GRIP1: variants seen among roughly 807,000 people sequenced by gnomAD.
GRIP1 encodes the protein glutamate receptor interacting protein 1.
GRIP1 carries 45 observed loss-of-function variants against 129.9 expected under a neutral mutation model. The ratio of observed to expected loss-of-function variants is 0.35; its 90% CI spans 0.27 to 0.44. The LOEUF (loss-of-function observed/expected upper bound fraction) is 0.44, where lower values mean the gene tolerates loss of function less well. Ranked by LOEUF, GRIP1 falls within the 20% of genes least tolerant of loss-of-function variation. GRIP1 has a pLI of 1.00. For synonymous variants in GRIP1, 530 were observed against 520.8 expected, an observed-to-expected ratio of 1.02 and a Z score of -0.24; for missense variants, 1,196 against 1,396.8, an observed-to-expected ratio of 0.86 and a Z score of 2.29.
chr12:67,067,502 T>C (rs2043649478), intron 1 of GRIP1, among the ~76,000 whole-genome samples: 1 of 152,132 alleles, frequency 6.6e-6, no homozygotes, highest in Non-Finnish European at 1.5e-5. Context: ...AAAGATATGA[T>C]TTACTAAAGG....
chr12:66,913,036 G>C (rs1300130783), intron 1 of GRIP1, among the ~76,000 whole-genome samples: 1 of 152,122 alleles, frequency 6.6e-6, no homozygotes, highest in East Asian at 1.9e-4. Flanking sequence ...CTGAAAAACT[G>C]CCTACAATCT....
intron 1 of GRIP1, among the ~76,000 whole-genome samples, chr12:67,001,603 C>A (rs1024559638): frequency 1.3e-5 from 2 of 152,142 alleles, no homozygotes; most frequent in African/African-American, 2.4e-5. Context: ...TCTGTGTTTT[C>A]TCTTGAGTAG....
intron 1 of GRIP1, among the ~76,000 whole-genome samples, chr12:66,721,275 A>G (rs902391641): frequency 7.9e-5 from 12 of 151,902 alleles, no homozygotes; most frequent in Non-Finnish European, 1.3e-4. Context: ...GATTTAGCAT[A>G]ATTCTTTCTT....
intron 1 of GRIP1, among the ~76,000 whole-genome samples, chr12:66,626,232 T>C (rs10748056): frequency 0.68 from 103,032 of 151,432 alleles, 36,228 homozygotes; most frequent in African/African-American, 0.84. Context: ...CCCAGCTACT[T>C]GGGAGGCTGA....
chr12:66,512,694 T>C (rs369117380), intron 7 of GRIP1, among the ~76,000 whole-genome samples: 1 of 151,660 alleles, frequency 6.6e-6, no homozygotes, highest in Non-Finnish European at 1.5e-5. Context: ...AAAATGACCA[T>C]ATGAAAAAAT....
chr12:66,632,583 C>T lies in GRIP1; in HGVS notation c.56-35656G>A, dbSNP rs568089818. On this transcript the variant is annotated intron_variant, in intron 1 of 24. Coordinates refer to ENST00000359742, the MANE Select transcript of GRIP1 (RefSeq NM_001366722.1). ...CCATTCTAATGAACACTTTCCTTAT[C>T]GATTTGTATAGACACATTTGGTCAG... Among the ~76,000 whole-genome samples the T allele has an allele frequency of 2.2e-4, 33 of 152,240 alleles. 1 individual carries two copies. The South Asian group carries it at 3.9e-3, about 18-fold the overall frequency.
intron 1 of GRIP1, among the ~76,000 whole-genome samples, chr12:67,003,519 C>G (rs1411497346): frequency 6.6e-6 from 1 of 151,790 alleles, no homozygotes; most frequent in African/African-American, 2.4e-5. Context: ...TGGTGAAATC[C>G]CATCTCTACT....
At chr12:66,802,291 T>C (rs1490045429) in intron 1 of GRIP1, among the ~76,000 whole-genome samples, 1 of 152,166 alleles carries the variant, frequency 6.6e-6, no homozygotes, top group Admixed American at 6.5e-5. Flanking sequence ...ATAATGGGTA[T>C]GTTCTGATAA....
intron 1 of GRIP1, among the ~76,000 whole-genome samples, chr12:66,648,257 T>C (rs1466876537): frequency 6.6e-6 from 1 of 152,206 alleles, no homozygotes; most frequent in Non-Finnish European, 1.5e-5. Flanking sequence ...GATTGTTAAA[T>C]GTTTTGAATA....
intron 1 of GRIP1, among the ~76,000 whole-genome samples, chr12:66,766,874 C>A (rs2037657004): frequency 6.6e-6 from 1 of 152,164 alleles, no homozygotes; most frequent in Non-Finnish European, 1.5e-5. Context: ...GTAAAAGCTA[C>A]TGAAGAATCC....
chr12:66,717,214 CT>C (rs576015212), intron 1 of GRIP1, among the ~76,000 whole-genome samples: 2 of 151,996 alleles, frequency 1.3e-5, no homozygotes, highest in Non-Finnish European at 2.9e-5. Flanking sequence ...AATTATTTTT[CT>C]TGAATTTTGT....
chr12:66,930,423 A>G (rs1415056462), intron 1 of GRIP1, among the ~76,000 whole-genome samples: 1 of 150,942 alleles, frequency 6.6e-6, no homozygotes, highest in Non-Finnish European at 1.5e-5. Flanking sequence ...ATGTCCCTAC[A>G]AAGGACATGA....
chr12:66,383,276 G>A (rs891241547), intron 19 of GRIP1, among the ~76,000 whole-genome samples: 6 of 149,994 alleles, frequency 4.0e-5, no homozygotes, highest in African/African-American at 1.5e-4. Context: ...CAGCCTGGGC[G>A]ACAGAGCGAC....
chr12:66,584,835 C>T (rs924218326), intron 2 of GRIP1, among the ~76,000 whole-genome samples: 24 of 151,970 alleles, frequency 1.6e-4, no homozygotes, highest in African/African-American at 4.6e-4. Flanking sequence ...TCTCTCTCTG[C>T]GCCTTGAACA....
At position 66,865,057 on chromosome 12, in the gene GRIP1, C is replaced by A. The variant is rs563984855; in HGVS notation, c.58+203993G>T. Among the ~76,000 whole-genome samples, 6 of 152,242 alleles carry A rather than the reference C, an allele frequency of 3.9e-5. No homozygotes were observed. The East Asian group carries it at 5.8e-4, about 15-fold the overall frequency. ...TAATTTTTAAATTAGAAGTAACGAT[C>A]TGCTGTGTTAAATGAGTAAGAGAAT... On this transcript the variant is annotated intron_variant, in intron 1 of 1. Coordinates refer to the GRIP1 transcript ENST00000643019.
At chr12:66,627,855 C>A (rs2140017011) in intron 1 of GRIP1, among the ~76,000 whole-genome samples, 1 of 152,088 alleles carries the variant, frequency 6.6e-6, no homozygotes, top group African/African-American at 2.4e-5. Flanking sequence ...TGTAAGGGCT[C>A]CCTGGGGAGA....
chr12:67,036,589 C>T (rs1275299417), intron 1 of GRIP1, among the ~76,000 whole-genome samples: 2 of 152,116 alleles, frequency 1.3e-5, no homozygotes, highest in Non-Finnish European at 2.9e-5. Context: ...CCTCTGCCTC[C>T]CAAAGTGCTG....
rs1367499764 is a variant in GRIP1 at position 66,821,754 on chromosome 12, C to T, written c.59-224827G>A. Reference sequence around the variant, plus strand: ...TAAGTAGTCTTGTAGAAGGAAGTGACTTAGGAGGAAAAGGAGTGGAACTGA... The same window carrying T: ...TAAGTAGTCTTGTAGAAGGAAGTGATTTAGGAGGAAAAGGAGTGGAACTGA... On this transcript the variant is annotated intron_variant, in intron 1 of 1. Transcript: ENST00000643019. Among the ~76,000 whole-genome samples the T allele has an allele frequency of 5.3e-5, 8 of 152,210 alleles. No homozygotes were observed. In the East Asian group the frequency reaches 1.5e-3, roughly 29 times the overall value.
intron 16 of GRIP1, among the ~76,000 whole-genome samples, chr12:66,403,789 T>C (rs554750266): frequency 6.6e-6 from 1 of 152,192 alleles, no homozygotes; most frequent in African/African-American, 2.4e-5. Flanking sequence ...AGGGGGAAAA[T>C]GAGGCAAAGG....
Sources: allele counts gnomAD v4.1 joint callset (sites outside exome capture counted in the v4.1 genomes callset), GRCh38; gene constraint gnomAD v4.1.1; transcripts MANE v1.5; gene names NCBI Gene and HGNC (gene_info 2026-07-23, HGNC 2026-07-21).